AKAP6: variants seen among roughly 807,000 people sequenced by gnomAD.
AKAP6 encodes the protein A-kinase anchoring protein 6, also known as A-kinase anchor protein 6.
Under a neutral mutation model 188.5 loss-of-function variants are expected in AKAP6, and 58 were observed. The ratio of observed to expected loss-of-function variants is 0.31; its 90% CI spans 0.25 to 0.38. The LOEUF (loss-of-function observed/expected upper bound fraction) is 0.38. Ranked by LOEUF, AKAP6 falls within the 10% of genes least tolerant of loss-of-function variation. AKAP6 has a pLI of 1.00. For missense variants in AKAP6, 2,710 were observed against 2,740.0 expected, an observed-to-expected ratio of 0.99 and a Z score of 0.24; for synonymous variants, 989 against 998.6, an observed-to-expected ratio of 0.99 and a Z score of 0.18.
chr14:32,744,011 T>A (rs1185148847), intron 11 of AKAP6, among the ~76,000 whole-genome samples: 5 of 152,212 alleles, frequency 3.3e-5, no homozygotes, highest in Non-Finnish European at 7.3e-5. Flanking sequence ...GGAAAGTCTC[T>A]ATTTCTACCT....
chr14:32,809,715 C>T (rs896633337), intron 12 of AKAP6, among the ~76,000 whole-genome samples: 1 of 152,010 alleles, frequency 6.6e-6, no homozygotes, highest in African/African-American at 2.4e-5. Context: ...CAGGGGGCTT[C>T]AATTTTAGAG....
chr14:32,642,478 C>T (rs1026745375), intron 7 of AKAP6, among the ~76,000 whole-genome samples: 20 of 152,190 alleles, frequency 1.3e-4, no homozygotes, highest in Admixed American at 1.0e-3. Flanking sequence ...TTTGAACTTA[C>T]ATATACTTGG....
chr14:32,724,086 TTC>T (rs1402550160), intron 9 of AKAP6, among the ~76,000 whole-genome samples: 2 of 152,192 alleles, frequency 1.3e-5, no homozygotes, highest in African/African-American at 4.8e-5. Flanking sequence ...TTCTTTTTTT[TTC>T]CTTAGAGAAC....
At chr14:32,508,314 G>A (rs536254814) in intron 2 of AKAP6, among the ~76,000 whole-genome samples, 2 of 152,308 alleles carry the variant, frequency 1.3e-5, no homozygotes, top group South Asian at 2.1e-4. Flanking sequence ...CTGGAGGAAG[G>A]AAACCAGCTT....
intron 7 of AKAP6, among the ~76,000 whole-genome samples, chr14:32,650,512 G>A (rs1888172555): frequency 6.6e-6 from 1 of 152,138 alleles, no homozygotes; most frequent in Admixed American, 6.5e-5. Context: ...TTGGGAGGCT[G>A]AGGCAGGAGA....
At chr14:32,688,783 C>T (rs1368514116) in intron 8 of AKAP6, among the ~76,000 whole-genome samples, 2 of 151,926 alleles carry the variant, frequency 1.3e-5, no homozygotes, top group Non-Finnish European at 2.9e-5. Flanking sequence ...CTGTAAGTAA[C>T]TAAAATCTTG....
intron 12 of AKAP6, among the ~76,000 whole-genome samples, chr14:32,778,182 ATG>A (rs2033126215): frequency 6.6e-6 from 1 of 152,256 alleles, no homozygotes; most frequent in Non-Finnish European, 1.5e-5. Context: ...ACCACAAGAA[ATG>A]TTAAAGGCAG....
chr14:32,758,749 CA>C (rs2139936837), intron 11 of AKAP6, among the ~76,000 whole-genome samples: 1 of 152,058 alleles, frequency 6.6e-6, no homozygotes, highest in Non-Finnish European at 1.5e-5. Context: ...AACAAACAAA[CA>C]AAAAATGATG....
chr14:32,764,990 G>A (rs111447104), intron 11 of AKAP6, among the ~76,000 whole-genome samples: 2,973 of 148,738 alleles, frequency 0.02, 90 homozygotes, highest in African/African-American at 0.069. Context: ...GCTGGAATGC[G>A]GTGGTGCGAT....
chr14:32,546,523 T>A lies in AKAP6; in HGVS notation c.1870T>A (p.Trp624Arg), dbSNP rs770927327. Residue 624 changes from tryptophan (W) to arginine (R), a missense_variant, in exon 4 of 14, where the codon TGG becomes AGG. Physicochemically the swap from Trp to Arg is moderately radical, Grantham distance 101. This residue lies in a region of AKAP6 where 2,473 missense variants were observed against 2,426.1 expected (regional missense o/e 1.02). Coordinates refer to ENST00000280979, the MANE Select transcript of AKAP6 (RefSeq NM_004274.5). ...TAGGAATGGTGAGGTTGTGGAGGCC[T>A]GGTATGGCTCTGATGAATACCTAGC... Reference protein sequence around the residue: ...VTRNGEVVEAWYGSDEYLALP... With the variant: ...VTRNGEVVEARYGSDEYLALP... 3.7e-6 allele frequency: 6 copies of A among 1,614,176 alleles called. No homozygotes were observed. Among genetic ancestry groups the A allele is most frequent in the Non-Finnish European group, 5.1e-6 (6 of 1,180,032 alleles).
intron 4 of AKAP6, among the ~76,000 whole-genome samples, chr14:32,558,709 G>A (rs941716768): frequency 1.3e-5 from 2 of 152,294 alleles, no homozygotes; most frequent in South Asian, 2.1e-4. Flanking sequence ...GCAGACAGTC[G>A]AGGGAAGATA....
intron 3 of AKAP6, among the ~76,000 whole-genome samples, chr14:32,540,131 GCTCTCTCTCT>G (rs1216788649): frequency 2.1e-3 from 139 of 66,472 alleles, no homozygotes; most frequent in African/African-American, 9.4e-3. Flanking sequence ...TTGCTCGTGC[GCTCTCTCTCT>G]CTCTCTCTCT....
At chr14:32,674,016 G>T (rs1317019320) in intron 7 of AKAP6, among the ~76,000 whole-genome samples, 1 of 152,194 alleles carries the variant, frequency 6.6e-6, no homozygotes, top group Non-Finnish European at 1.5e-5. Context: ...CTTTTGATAA[G>T]TTAGGCAAGG....
At chr14:32,814,571 G>A (rs1594975375) in intron 12 of AKAP6, among the ~76,000 whole-genome samples, 1 of 152,120 alleles carries the variant, frequency 6.6e-6, no homozygotes, top group East Asian at 1.9e-4. Flanking sequence ...TTACAACTGA[G>A]AGTTTGCACC....
At chr14:32,357,934 T>C (rs781344795) in intron 1 of AKAP6, among the ~76,000 whole-genome samples, 1 of 152,206 alleles carries the variant, frequency 6.6e-6, no homozygotes, top group Non-Finnish European at 1.5e-5. Context: ...CTACCAGTTA[T>C]TTATTGTTCA....
At chr14:32,725,374 C>T (rs999583900) in intron 9 of AKAP6, among the ~76,000 whole-genome samples, 3 of 152,232 alleles carry the variant, frequency 2.0e-5, no homozygotes, top group Non-Finnish European at 2.9e-5. Context: ...GGGTCTGCCC[C>T]TTGGGCACGT....
In AKAP6 at chr14:32,835,397, A is replaced by G. The variant is rs1453926566; in HGVS notation, c.*5592A>G. 1 of 152,202 alleles carries G rather than the reference A, an allele frequency of 6.6e-6. No individual in the cohort carries two copies. The highest frequency in any genetic ancestry group is 2.4e-5 in the African/African-American group (1 of 41,452). The allele number at this position is 152,202 out of a possible 1,614,324, so 9.4% of individuals were successfully genotyped here. ...TTTAAGGATTTAAATTTAGTTCACTATTACTGCCTGGCTTTGATTGATTTA... is the reference window on the plus strand; with the variant it reads ...TTTAAGGATTTAAATTTAGTTCACTGTTACTGCCTGGCTTTGATTGATTTA... On this transcript the variant is annotated 3_prime_UTR_variant, in exon 14 of 14. Coordinates refer to ENST00000280979, the MANE Select transcript of AKAP6 (RefSeq NM_004274.5).
intron 2 of AKAP6, among the ~76,000 whole-genome samples, chr14:32,446,515 A>T (rs1957019): frequency 0.6 from 91,808 of 151,886 alleles, 29,611 homozygotes; most frequent in African/African-American, 0.84. Flanking sequence ...TCAAAAAAAA[A>T]TTTATTTTTA....
At chr14:32,633,364 A>G (rs553950680) in intron 7 of AKAP6, among the ~76,000 whole-genome samples, 2 of 152,236 alleles carry the variant, frequency 1.3e-5, no homozygotes, top group East Asian at 3.9e-4. Context: ...TTATAGTGAC[A>G]GCATCTGCAA....
Sources: gnomAD v4.1 joint callset for allele counts (sites outside exome capture counted in the v4.1 genomes callset) on GRCh38, gnomAD v4.1.1 for gene constraint, gnomAD v4.1.1 regional missense constraint, MANE v1.5 for transcripts, NCBI Gene and HGNC (gene_info 2026-07-23, HGNC 2026-07-21) for gene names.